KCNIP4: variants seen among roughly 807,000 people sequenced by gnomAD.
KCNIP4 encodes potassium voltage-gated channel interacting protein 4, also known as Kv channel-interacting protein 4.
KCNIP4 carries 12 observed loss-of-function variants against 34.0 expected under a neutral mutation model. That is an observed-to-expected ratio of 0.35 (90% CI 0.23 to 0.57). KCNIP4 has a LOEUF of 0.57. Among genes scored for constraint, KCNIP4 ranks in the 20% least tolerant of loss-of-function variants. The pLI is 0.83. For synonymous variants in KCNIP4, 124 were observed against 102.2 expected, an observed-to-expected ratio of 1.21 and a Z score of -1.29; for missense variants, 238 against 311.7, an observed-to-expected ratio of 0.76 and a Z score of 1.78.
chr4:20,768,866 A>G (rs1755632462), intron 3 of KCNIP4, among the ~76,000 whole-genome samples: 1 of 152,134 alleles, frequency 6.6e-6, no homozygotes, highest in Admixed American at 6.6e-5. Flanking sequence ...GAAAAGGCTG[A>G]CCTAGATACT....
chr4:21,273,958 C>T (rs1762300040), intron 1 of KCNIP4, among the ~76,000 whole-genome samples: 1 of 152,104 alleles, frequency 6.6e-6, no homozygotes, highest in African/African-American at 2.4e-5. Flanking sequence ...CAACACAATT[C>T]CTAGTATGCA....
chr4:21,453,123 C>T (rs558894271), intron 1 of KCNIP4, among the ~76,000 whole-genome samples: 4 of 151,866 alleles, frequency 2.6e-5, no homozygotes, highest in South Asian at 4.2e-4. Flanking sequence ...ATTTGTTTCA[C>T]AGGAATGTGT....
At chr4:20,903,087 C>T (rs113881754) in intron 1 of KCNIP4, among the ~76,000 whole-genome samples, 16 of 152,088 alleles carry the variant, frequency 1.1e-4, no homozygotes, top group African/African-American at 2.7e-4. Context: ...AGGCCTATAC[C>T]GGGATGCTGT....
chr4:21,401,202 C>A (rs1002818196), intron 1 of KCNIP4, among the ~76,000 whole-genome samples: 1 of 152,154 alleles, frequency 6.6e-6, no homozygotes, highest in Non-Finnish European at 1.5e-5. Context: ...ATTAAACTAG[C>A]AGGCTTTATG....
At chr4:20,882,108 G>C (rs1724759402) in intron 2 of KCNIP4, among the ~76,000 whole-genome samples, 1 of 152,118 alleles carries the variant, frequency 6.6e-6, no homozygotes, top group South Asian at 2.1e-4. Context: ...TGTTTTTCTA[G>C]AGAATCTTGA....
intron 1 of KCNIP4, among the ~76,000 whole-genome samples, chr4:21,411,808 A>G (rs1251793047): frequency 6.6e-6 from 1 of 152,216 alleles, no homozygotes; most frequent in African/African-American, 2.4e-5. Context: ...ACTACACTCC[A>G]GCCTGGGTGA....
At chr4:20,853,165 G>T (rs7686516) in intron 2 of KCNIP4, among the ~76,000 whole-genome samples, 5 of 151,780 alleles carry the variant, frequency 3.3e-5, no homozygotes, top group African/African-American at 1.2e-4. Flanking sequence ...AAAAGAGCCC[G>T]CATGGCCTCA....
intron 1 of KCNIP4, among the ~76,000 whole-genome samples, chr4:21,254,384 G>A (rs1189121694): frequency 1.3e-5 from 2 of 152,082 alleles, no homozygotes; most frequent in African/African-American, 4.8e-5. Flanking sequence ...CATCTTATAT[G>A]AGCATCACCT....
At chr4:21,397,748 CT>C (rs1316087891) in intron 1 of KCNIP4, among the ~76,000 whole-genome samples, 1 of 152,162 alleles carries the variant, frequency 6.6e-6, no homozygotes, top group Non-Finnish European at 1.5e-5. Flanking sequence ...ATTGATCACT[CT>C]TGCTATGAAA....
chr4:21,778,232 TTTTC>T (rs376485479), intron 1 of KCNIP4, among the ~76,000 whole-genome samples: 967 of 59,286 alleles, frequency 0.016, 105 homozygotes, highest in African/African-American at 0.11. Context: ...TCCTTTTTTT[TTTTC>T]TTTTTTTTTT....
At chr4:21,313,124 A>G (rs1280614719) in intron 1 of KCNIP4, among the ~76,000 whole-genome samples, 1 of 152,260 alleles carries the variant, frequency 6.6e-6, no homozygotes, top group African/African-American at 2.4e-5. Context: ...TGTCTGATGC[A>G]TAATTCACTT....
At chr4:20,788,441 C>A (rs556428051) in intron 3 of KCNIP4, among the ~76,000 whole-genome samples, 28 of 152,204 alleles carry the variant, frequency 1.8e-4, no homozygotes, top group African/African-American at 6.3e-4. Context: ...TGACTATAGC[C>A]CAGCCTGTCT....
At chr4:21,085,465 A>T (rs1746338522) in intron 1 of KCNIP4, among the ~76,000 whole-genome samples, 1 of 152,156 alleles carries the variant, frequency 6.6e-6, no homozygotes, top group Non-Finnish European at 1.5e-5. Context: ...CTCTATACTG[A>T]AGTCTATTTC....
chr4:20,909,586 T>C (rs1366429976), intron 1 of KCNIP4, among the ~76,000 whole-genome samples: 1 of 152,204 alleles, frequency 6.6e-6, no homozygotes, highest in African/African-American at 2.4e-5. Flanking sequence ...CATGTTCCCC[T>C]TAGTCATTTC....
chr4:21,866,858 G>A (rs576569799), intron 1 of KCNIP4, among the ~76,000 whole-genome samples: 61 of 129,760 alleles, frequency 4.7e-4, no homozygotes, highest in Non-Finnish European at 7.9e-4. Context: ...TGCAAGCTCC[G>A]CCTCCCAGGT....
intron 1 of KCNIP4, among the ~76,000 whole-genome samples, chr4:21,477,275 A>G (rs1476763181): frequency 6.6e-6 from 1 of 152,160 alleles, no homozygotes; most frequent in Non-Finnish European, 1.5e-5. Context: ...TTGCATTGCC[A>G]AGGTATTTCT....
At chr4:21,193,111 G>C (rs962235649) in intron 1 of KCNIP4, among the ~76,000 whole-genome samples, 1 of 117,500 alleles carries the variant, frequency 8.5e-6, no homozygotes, top group African/African-American at 4.5e-5. Context: ...GCAAGACCCT[G>C]GCTAAAAAAA....
intron 1 of KCNIP4, among the ~76,000 whole-genome samples, chr4:21,790,749 C>T (rs1354381155): frequency 1.3e-5 from 2 of 151,932 alleles, no homozygotes; most frequent in Non-Finnish European, 2.9e-5. Context: ...TTAGAAAGAA[C>T]CCTAACCATA....
At chr4:21,280,685 C>T (rs746174270) in intron 1 of KCNIP4, among the ~76,000 whole-genome samples, 25 of 152,142 alleles carry the variant, frequency 1.6e-4, no homozygotes, top group Non-Finnish European at 3.1e-4. Context: ...ATCTAGCAAC[C>T]ACCAGTGAGA....
Sources: allele counts gnomAD v4.1 joint callset (sites outside exome capture counted in the v4.1 genomes callset), GRCh38; gene constraint gnomAD v4.1.1; transcripts MANE v1.5; gene names NCBI Gene and HGNC (gene_info 2026-07-23, HGNC 2026-07-21).